MRTFA: variants seen among roughly 807,000 people sequenced by gnomAD.
MRTFA encodes myocardin-related transcription factor A.
In MRTFA, 20 loss-of-function variants were observed where a neutral mutation model predicts 83.5. That is an observed-to-expected ratio of 0.24 (90% CI 0.17 to 0.35). The LOEUF (loss-of-function observed/expected upper bound fraction) is 0.35, where lower values mean the gene tolerates loss of function less well. Among genes scored for constraint, MRTFA ranks in the 10% least tolerant of loss-of-function variants. MRTFA has a pLI of 1.00. For synonymous variants in MRTFA, 659 were observed against 541.2 expected (o/e 1.22, Z -3.02); for missense variants, 1,200 against 1,224.7 (o/e 0.98, Z 0.30).
chr22:40,463,276 C>G lies in MRTFA; in HGVS notation c.252G>C (p.Leu84Phe). ...CCCGGGTCCGGCGCTGCTGGAGTTT[C>G]AACTGTAGCACTGCAGGGCAGCAGA... is the stretch of plus-strand genomic sequence containing the variant. Residue 84 changes from leucine (L) to phenylalanine (F), a missense_variant, in exon 4 of 15, where the codon TTG (leucine) becomes TTC (phenylalanine). Physicochemically the swap from Leu to Phe is conservative, Grantham distance 22 (BLOSUM62 0). This residue lies in a region of MRTFA where 93 missense variants were observed against 182.9 expected (regional missense o/e 0.51). Coordinates refer to ENST00000355630, the MANE Select transcript of MRTFA (RefSeq NM_020831.6). 6.2e-7 allele frequency: 1 copy of G among 1,613,946 alleles called. No individual in the cohort carries two copies. The highest frequency in any genetic ancestry group is 8.5e-7 in the Non-Finnish European group (1 of 1,179,896).
At position 40,416,961 on chromosome 22, in the gene MRTFA, G is replaced by C. The variant is rs555204199; in HGVS notation, c.2578+25C>G. 1 of 1,582,886 alleles carries C rather than the reference G, an allele frequency of 6.3e-7. No individual in the cohort carries two copies. Among genetic ancestry groups the C allele is most frequent in the Admixed American group, 1.8e-5 (1 of 55,388 alleles). On this transcript the variant is annotated intron_variant, in intron 14 of 14. Coordinates refer to ENST00000355630, the MANE Select transcript of MRTFA (RefSeq NM_020831.6). The surrounding 1 kb of genome is among the most constrained non-coding windows in gnomAD (Gnocchi z 4.2). ...CCTATGAACAGAGAAGGCCGTCAGG[G>C]AGGCAGCAGGGGACCTGGGGTTACC...
At chr22:40,485,002 T>G (rs147539452) in intron 3 of MRTFA, among the ~76,000 whole-genome samples, 3 of 149,970 alleles carry the variant, frequency 2.0e-5, no homozygotes, top group Non-Finnish European at 4.4e-5. Flanking sequence ...CATCTGGGAG[T>G]AGGAGGTTGC....
intron 4 of MRTFA, among the ~76,000 whole-genome samples, chr22:40,455,180 C>A (rs1408985559): frequency 6.6e-6 from 1 of 152,124 alleles, no homozygotes; most frequent in Non-Finnish European, 1.5e-5. Context: ...CTATTTAAAT[C>A]TAAATTAATT....
At chr22:40,482,139 C>T (rs1043412366) in intron 3 of MRTFA, among the ~76,000 whole-genome samples, 1 of 151,870 alleles carries the variant, frequency 6.6e-6, no homozygotes, top group African/African-American at 2.4e-5. Context: ...AGTACTACTA[C>T]GGTGACTCAT....
intron 3 of MRTFA, among the ~76,000 whole-genome samples, chr22:40,530,125 C>T (rs908513620): frequency 6.6e-6 from 1 of 152,182 alleles, no homozygotes; most frequent in African/African-American, 2.4e-5. Context: ...AAGAGGACTG[C>T]ACTAGATGGA....
intron 5 of MRTFA, among the ~76,000 whole-genome samples, chr22:40,432,732 G>A (rs913596319): frequency 1.3e-5 from 2 of 151,992 alleles, no homozygotes; most frequent in African/African-American, 4.8e-5. Flanking sequence ...CTGCTGCCTT[G>A]TTGTTCTGGC....
chr22:40,635,439 T>C (rs1399875453), intron 1 of MRTFA, among the ~76,000 whole-genome samples: 3 of 152,122 alleles, frequency 2.0e-5, no homozygotes, highest in African/African-American at 7.2e-5. Flanking sequence ...GTCTTATGAG[T>C]TTAAAACTAT....
At position 40,417,063 on chromosome 22, in the gene MRTFA, A is replaced by C; in HGVS notation, c.2518-17T>G. The C allele has an allele frequency of 1.3e-6, 2 of 1,561,288 alleles. No homozygotes were observed. Among genetic ancestry groups the C allele is most frequent in the Non-Finnish European group, 1.7e-6 (2 of 1,151,622 alleles). ...ACCATTTTCCTGTGGGACAAAGGAA[A>C]AAAAAAAAAGAGATAAAAATCTTGA... is the stretch of plus-strand genomic sequence containing the variant. On this transcript the variant is annotated splice_polypyrimidine_tract_variant and intron_variant, in intron 13 of 14. Coordinates refer to ENST00000355630, the MANE Select transcript of MRTFA (RefSeq NM_020831.6).
intron 1 of MRTFA, among the ~76,000 whole-genome samples, chr22:40,618,507 A>AC (rs1410513368): frequency 6.6e-6 from 1 of 152,110 alleles, no homozygotes; most frequent in Non-Finnish European, 1.5e-5. Context: ...AACAGCAAGC[A>AC]CAAAGACCTG....
intron 3 of MRTFA, among the ~76,000 whole-genome samples, chr22:40,496,014 C>G (rs1385630378): frequency 6.6e-6 from 1 of 151,068 alleles, no homozygotes; most frequent in African/African-American, 2.4e-5. Flanking sequence ...TGCAGTGAGC[C>G]AAGATTGCAC....
At chr22:40,550,182 ACTT>A (rs1233739896) in intron 3 of MRTFA, among the ~76,000 whole-genome samples, 2 of 151,828 alleles carry the variant, frequency 1.3e-5, no homozygotes, top group East Asian at 3.9e-4. Context: ...AGTTCTTCCT[ACTT>A]CTTTTTTTTT....
In MRTFA at chr22:40,418,500, G is replaced by A. The variant is rs746173838; in HGVS notation, c.2238C>T (p.Gly746=). ...GTGCAACCCCCTTGATGAGGCTGGG[G>A]CCCTGAGGCCCCAGAAGCAACTGGG... Residue 746 remains glycine, a synonymous_variant, in exon 12 of 15, where the codon GGC becomes GGT. Transcript: ENST00000355630. 1.5e-5 allele frequency: 24 copies of A among 1,601,756 alleles called. No individual in the cohort carries two copies. The highest frequency in any genetic ancestry group is 2.7e-5 in the African/African-American group (2 of 74,384).
Position 40,521,549 on chromosome 22 carries a change from A to C in MRTFA, c.241+30557T>G, listed in dbSNP as rs180836964. 3.3e-4 allele frequency among the ~76,000 whole-genome samples: 51 copies of C among 152,248 alleles called. No homozygotes were observed. The East Asian group carries it at 7.9e-3, about 24-fold the overall frequency. ...AGTCTCACTCTGTCACCCAGGCTGGAATGCAGGGGTGCAATCTTGGCTCAC... is the reference window on the plus strand; with the variant it reads ...AGTCTCACTCTGTCACCCAGGCTGGCATGCAGGGGTGCAATCTTGGCTCAC... On this transcript the variant is annotated intron_variant, in intron 3 of 14. Coordinates refer to ENST00000355630, the MANE Select transcript of MRTFA (RefSeq NM_020831.6).
At chr22:40,519,186 GTCCA>G (rs1374805334) in intron 3 of MRTFA, among the ~76,000 whole-genome samples, 1 of 152,038 alleles carries the variant, frequency 6.6e-6, no homozygotes, top group Non-Finnish European at 1.5e-5. Context: ...AAAAAGATGT[GTCCA>G]CCTGTGAGGC....
At chr22:40,485,722 G>A (rs1406034631) in intron 3 of MRTFA, among the ~76,000 whole-genome samples, 1 of 152,150 alleles carries the variant, frequency 6.6e-6, no homozygotes, top group East Asian at 1.9e-4. Context: ...AGAGTAGGGA[G>A]GAGAACTGCG....
At chr22:40,500,901 C>T (rs939872191) in intron 3 of MRTFA, among the ~76,000 whole-genome samples, 5 of 150,660 alleles carry the variant, frequency 3.3e-5, no homozygotes, top group African/African-American at 1.2e-4. Context: ...TCTCAATGAG[C>T]TGTTGGGCAC....
intron 3 of MRTFA, among the ~76,000 whole-genome samples, chr22:40,506,625 T>A (rs2054584623): frequency 6.6e-6 from 1 of 152,216 alleles, no homozygotes; most frequent in Non-Finnish European, 1.5e-5. Context: ...AACCTACTTG[T>A]TAAGAATCTT....
In MRTFA at chr22:40,509,966, C is replaced by T. The variant is rs539626211; in HGVS notation, c.241+42140G>A. On this transcript the variant is annotated intron_variant, in intron 3 of 14. Transcript: ENST00000355630. ...CTTCCCACTGCAGTAAATCAAGAAA[C>T]AGCAGCCAAGTACTTTAAAAAAAAA... Among the ~76,000 whole-genome samples, 29 of 95,910 alleles carry T rather than the reference C, an allele frequency of 3.0e-4. No individual in the cohort carries two copies. In the South Asian group the frequency reaches 7.8e-3, roughly 26 times the overall value. 62.9% of individuals were successfully genotyped at this position (95,910 alleles called of 152,430 possible).
chr22:40,464,125 A>AC (rs1192648016), intron 3 of MRTFA, among the ~76,000 whole-genome samples: 1 of 151,476 alleles, frequency 6.6e-6, no homozygotes, highest in African/African-American at 2.4e-5. Flanking sequence ...AGACAGTGAA[A>AC]CCCCATCTAT....
Sources: allele counts gnomAD v4.1 joint callset (sites outside exome capture counted in the v4.1 genomes callset), GRCh38; gene constraint gnomAD v4.1.1; regional missense constraint gnomAD v4.1.1; non-coding constraint Gnocchi (gnomAD v3.1); transcripts MANE v1.5; gene names NCBI Gene and HGNC (gene_info 2026-07-23, HGNC 2026-07-21).